Variants in TLN2 observed in about 807,000 individuals in gnomAD.
The protein encoded by TLN2 is talin-2.
In TLN2, 118 loss-of-function variants were observed where a neutral mutation model predicts 294.7. The ratio of observed to expected loss-of-function variants is 0.40; its 90% CI spans 0.34 to 0.47. TLN2 has a LOEUF of 0.47. TLN2 is among the 20% of genes least tolerant of loss of function. The pLI is 0.84. For synonymous variants in TLN2, 1,431 were observed against 1,304.5 expected (o/e 1.10, Z -2.09); for missense variants, 3,083 against 3,282.2 (o/e 0.94, Z 1.48).
chr15:62,799,565 T>C (rs1179510331), intron 48 of TLN2, among the ~76,000 whole-genome samples: 1 of 152,224 alleles, frequency 6.6e-6, no homozygotes, highest in African/African-American at 2.4e-5. Flanking sequence ...CACAAGTATT[T>C]ACTGAGTACC....
At chr15:62,665,129 G>A (rs1220660278) in intron 9 of TLN2, among the ~76,000 whole-genome samples, 1 of 152,098 alleles carries the variant, frequency 6.6e-6, no homozygotes, top group Non-Finnish European at 1.5e-5. Flanking sequence ...CTGGAGTGCA[G>A]TGGCGCCATC....
At chr15:62,505,431 A>G (rs2039563398) in intron 1 of TLN2, among the ~76,000 whole-genome samples, 1 of 152,222 alleles carries the variant, frequency 6.6e-6, no homozygotes, top group Admixed American at 6.5e-5. Flanking sequence ...TGTGCTAGGA[A>G]ATCCTGGCAT....
chr15:62,545,526 G>GTGTATGTGTGTA (rs1555426734), intron 1 of TLN2, among the ~76,000 whole-genome samples: 2 of 147,486 alleles, frequency 1.4e-5, no homozygotes, highest in African/African-American at 5.3e-5. Flanking sequence ...GTGTGTGTGT[G>GTGTATGTGTGTA]TGTGTGTGTG....
intron 1 of TLN2, among the ~76,000 whole-genome samples, chr15:62,424,697 G>C (rs992374842): frequency 6.6e-6 from 1 of 152,116 alleles, no homozygotes; most frequent in Non-Finnish European, 1.5e-5. Flanking sequence ...CTGTCACCCA[G>C]GCTGGAGTCT....
At chr15:62,523,362 C>T (rs2040569648) in intron 1 of TLN2, among the ~76,000 whole-genome samples, 2 of 152,192 alleles carry the variant, frequency 1.3e-5, no homozygotes, top group African/African-American at 4.8e-5. Flanking sequence ...TTGTACAAAC[C>T]TGCCTTCCCT....
Position 62,781,260 on chromosome 15 carries a change from GCCC to G in TLN2, c.5616+20_5616+22del. 1 of 1,572,228 alleles carries G rather than the reference GCCC, an allele frequency of 6.4e-7. No individual in the cohort carries two copies. The highest frequency in any genetic ancestry group is 1.1e-5 in the South Asian group (1 of 90,202). ...GGAAATGGTAAGAGGGAAGAGAGCT[GCCC>G]TCCCCACTGTTGTTTGCCTTTTTAT... On this transcript the variant is annotated intron_variant, in intron 44 of 58. Coordinates refer to ENST00000636159, the MANE Select transcript of TLN2 (RefSeq NM_015059.3).
chr15:62,788,020 T>A (rs2064816702), intron 45 of TLN2, among the ~76,000 whole-genome samples: 1 of 143,028 alleles, frequency 7.0e-6, no homozygotes, highest in Admixed American at 6.9e-5. Flanking sequence ...GGATACAGAC[T>A]CAAAAAATGA....
At chr15:62,655,897 AC>A in intron 7 of TLN2, 46 bp from the exon 8 acceptor site, 1 of 1,605,686 alleles carries the variant, frequency 6.2e-7, no homozygotes, top group Non-Finnish European at 8.5e-7. Context: ...CCTTTAATTA[AC>A]AGGAAAAATA....
At chr15:62,452,150 G>GT (rs11422816) in intron 1 of TLN2, among the ~76,000 whole-genome samples, 106,998 of 151,880 alleles carry the variant, frequency 0.7, 38,857 homozygotes, top group East Asian at 1. Context: ...CGCACCAAGG[G>GT]TGAAAGAACA....
At chr15:62,424,587 G>C (rs1406756464) in intron 1 of TLN2, among the ~76,000 whole-genome samples, 1 of 152,168 alleles carries the variant, frequency 6.6e-6, no homozygotes, top group African/African-American at 2.4e-5. Context: ...CCACACCAGG[G>C]CCTAGCCCCA....
At chr15:62,506,958 G>A (rs1485401101) in intron 1 of TLN2, among the ~76,000 whole-genome samples, 1 of 151,964 alleles carries the variant, frequency 6.6e-6, no homozygotes, top group Non-Finnish European at 1.5e-5. Flanking sequence ...TGAAGTGAAT[G>A]ACAAGATATT....
intron 1 of TLN2, among the ~76,000 whole-genome samples, chr15:62,533,275 A>G (rs2041155200): frequency 6.6e-6 from 1 of 151,226 alleles, no homozygotes; most frequent in African/African-American, 2.4e-5. Context: ...AAAAAAAAAA[A>G]AAGTGGATTC....
chr15:62,790,844 G>A (rs1304982403), intron 45 of TLN2, among the ~76,000 whole-genome samples: 3 of 152,156 alleles, frequency 2.0e-5, no homozygotes, highest in Non-Finnish European at 2.9e-5. Flanking sequence ...TGTTTTTCCC[G>A]CCTCAGCGGC....
chr15:62,450,549 G>GTATGTA (rs879530020), intron 1 of TLN2, among the ~76,000 whole-genome samples: 838 of 36,094 alleles, frequency 0.023, 2 homozygotes, highest in African/African-American at 0.029. Context: ...ATGTATGTAT[G>GTATGTA]TGTGTGTGTG....
intron 1 of TLN2, among the ~76,000 whole-genome samples, chr15:62,450,298 C>T (rs768881666): frequency 7.9e-5 from 12 of 152,118 alleles, no homozygotes; most frequent in South Asian, 2.1e-4. Context: ...TACCTGAAGC[C>T]GAGCCAGGAG....
intron 3 of TLN2, chr15:62,638,715 T>A: frequency 2.3e-6 from 1 of 438,212 alleles, no homozygotes; most frequent in Non-Finnish European, 4.6e-6. Context: ...GTAGAAATGC[T>A]GACTTCTCCC....
At position 62,720,930 on chromosome 15, in the gene TLN2, T is replaced by C. The variant is rs760367797; in HGVS notation, c.2991+1050T>C. On this transcript the variant is annotated intron_variant, in intron 25 of 58. Transcript: ENST00000636159. ...ATTGTAAACAGCTTATTTTTATCTT[T>C]AGGACTTTGCAGATTATGACTTGGA... Among the ~76,000 whole-genome samples the C allele has an allele frequency of 5.3e-5, 8 of 152,188 alleles. No individual in the cohort carries two copies. The East Asian group carries it at 7.7e-4, about 15-fold the overall frequency.
chr15:62,585,551 G>C (rs796983198), intron 1 of TLN2, among the ~76,000 whole-genome samples: 4 of 152,308 alleles, frequency 2.6e-5, no homozygotes, highest in African/African-American at 7.2e-5. Context: ...ATGTCCTGCT[G>C]TTGGTGACAG....
chr15:62,665,234 T>C (rs1299954109), intron 9 of TLN2, among the ~76,000 whole-genome samples: 1 of 151,972 alleles, frequency 6.6e-6, no homozygotes, highest in African/African-American at 2.4e-5. Context: ...AGCTAACTTT[T>C]GTATGGGGTC....
Sources: allele counts gnomAD v4.1 joint callset (sites outside exome capture counted in the v4.1 genomes callset), GRCh38; gene constraint gnomAD v4.1.1; transcripts MANE v1.5; gene names NCBI Gene and HGNC (gene_info 2026-07-23, HGNC 2026-07-21).